The following RGS1 variants were observed in gnomAD, a reference collection of about 807,000 sequenced individuals.
The protein encoded by RGS1 is B-cell activation protein BL34.
RGS1 carries 11 observed loss-of-function variants against 22.2 expected under a neutral mutation model. That is an observed-to-expected ratio of 0.50 (90% confidence interval 0.31 to 0.82). The LOEUF is 0.82. Ranked by LOEUF, RGS1 falls within the 40% of genes least tolerant of loss-of-function variation. RGS1 has a pLI of 0.04. For missense variants in RGS1, 255 were observed against 245.8 expected (o/e 1.04, Z -0.25); for synonymous variants, 81 against 79.9 (o/e 1.01, Z -0.07).
Position 192,579,331 on chromosome 1 carries a change from T to C in RGS1, c.*9T>C. 8.7e-6 allele frequency: 14 copies of C among 1,611,340 alleles called. No individual in the cohort carries two copies. Among genetic ancestry groups the C allele is most frequent in the Non-Finnish European group, 1.2e-5 (14 of 1,178,516 alleles). On this transcript the variant is annotated 3_prime_UTR_variant, in exon 5 of 5. Coordinates refer to ENST00000367459, the MANE Select transcript of RGS1 (RefSeq NM_002922.4). ...CTAATAGCCTAAAGTGACTGGTCCC[T>C]GGCTGAAGGGAATTAACAGATAGTA...
chr1:192,577,087 A>C (rs1662074566), intron 3 of RGS1: 1 of 369,112 alleles, frequency 2.7e-6, no homozygotes, highest in South Asian at 1.2e-4. Flanking sequence ...GATAAAATTA[A>C]ACATTGTGCT....
Position 192,576,322 on chromosome 1 carries a change from C to G in RGS1, c.175C>G (p.Pro59Ala). Residue 59 changes from proline (P) to alanine (A), a missense_variant, in exon 2 of 5, where the codon CCA becomes GCA. By Grantham distance (27) the Pro-to-Ala change is conservative. Transcript: ENST00000367459. ...DMKAYLRSMI[P>A]HLESGMKSSK... is the part of the protein sequence containing the mutation. ...GAAAGCATACCTGAGATCTATGATC[C>G]CACATCTGGAATCTGGAATGAAATC... is the stretch of plus-strand genomic sequence containing the variant. 6.2e-7 allele frequency: 1 copy of G among 1,611,228 alleles called. No homozygotes were observed. The highest frequency in any genetic ancestry group is 8.5e-7 in the Non-Finnish European group (1 of 1,178,038).
Position 192,579,458 on chromosome 1 carries a change from T to TAACTTTCATGTTAATCCATTC in RGS1, c.*136_*137insAACTTTCATGTTAATCCATTC. 1.3e-6 allele frequency: 1 copy of TAACTTTCATGTTAATCCATTC among 749,952 alleles called. No homozygotes were observed. The highest frequency in any genetic ancestry group is 2.2e-6 in the Non-Finnish European group (1 of 463,330). 46.5% of individuals were successfully genotyped at this position (749,952 alleles called of 1,614,324 possible). ...AGAAGAACAAATGACTCAGAATGGA[T>TAACTTTCATGTTAATCCATTC]TAACATGAAAGTTATCCAGGCGCAG... On this transcript the variant is annotated 3_prime_UTR_variant, in exon 5 of 5. Transcript: ENST00000367459.
rs369963644 is a variant in RGS1, at chr1:192,575,788, G to A, written c.-5G>A. 40 of 1,612,838 alleles carry A rather than the reference G, an allele frequency of 2.5e-5. No homozygotes were observed. The highest frequency in any genetic ancestry group is 6.7e-5 in the African/African-American group (5 of 74,856). On this transcript the variant is annotated 5_prime_UTR_variant, in exon 1 of 5. Coordinates refer to ENST00000367459, the MANE Select transcript of RGS1 (RefSeq NM_002922.4). ...GTTGACTAGCGCATATTTGCTAAGA[G>A]CACCATGCGCGCAGCAGCCATCTCC...
chr1:192,579,118 A>C lies in RGS1; in HGVS notation c.445-19A>C. The C allele has an allele frequency of 6.3e-7, 1 of 1,598,998 alleles. No homozygotes were observed. Among genetic ancestry groups the C allele is most frequent in the African/African-American group, 1.4e-5 (1 of 73,754 alleles). ...AGTAAAGAAAAGTATATATTAGCTA[A>C]CAAGGTTTTCTTTTTTAGATCAATA... On this transcript the variant is annotated intron_variant, in intron 4 of 4. Transcript: ENST00000367459.
chr1:192,577,897 T>C (rs1457691587), intron 3 of RGS1: 2 of 262,034 alleles, frequency 7.6e-6, no homozygotes, highest in Non-Finnish European at 1.5e-5. Context: ...ATTTGGCATA[T>C]ATAAAAGATG....
intron 4 of RGS1, 193 bp from the exon 5 acceptor site, chr1:192,578,944 A>C (rs1662113348): frequency 3.5e-6 from 2 of 565,930 alleles, no homozygotes; most frequent in Non-Finnish European, 6.0e-6. Context: ...TTTGGAACAA[A>C]GACATTTTTG....
chr1:192,575,884 A>C lies in RGS1; in HGVS notation c.92A>C (p.His31Pro). 1 of 1,613,354 alleles carries C rather than the reference A, an allele frequency of 6.2e-7. No individual in the cohort carries two copies. The change falls in exon 1 of 5, where the codon CAT (histidine) becomes CCT (proline). Residue 31 changes from histidine to proline, a missense_variant. Transcript: ENST00000367459. ...ANPKELKGTT[H>P]SLLDDKMQKR... Reference sequence around the variant, plus strand: ...CCAAAGGAATTGAAAGGAACCACTCATTCACTTCTAGACGACAAAATGCAA... The same window carrying C: ...CCAAAGGAATTGAAAGGAACCACTCCTTCACTTCTAGACGACAAAATGCAA...
intron 3 of RGS1, 175 bp downstream of exon 3, chr1:192,577,010 C>G: frequency 2.2e-6 from 1 of 448,698 alleles, no homozygotes; most frequent in Non-Finnish European, 3.8e-6. Flanking sequence ...ACTTAGCACT[C>G]AATTCTGCCA....
chr1:192,579,363 G>T lies in RGS1; in HGVS notation c.*41G>T. On this transcript the variant is annotated 3_prime_UTR_variant, in exon 5 of 5. Transcript: ENST00000367459. ...AGGGAATTAACAGATAGTATCAAGC[G>T]CAGAAGGAATGTGCCAGTATGGCTC... The T allele has an allele frequency of 6.3e-7, 1 of 1,594,768 alleles. No homozygotes were observed. Among genetic ancestry groups the T allele is most frequent in the South Asian group, 1.1e-5 (1 of 88,670 alleles).
intron 2 of RGS1, 144 bp downstream of exon 2, chr1:192,576,509 G>A: frequency 1.5e-6 from 1 of 650,584 alleles, no homozygotes; most frequent in South Asian, 2.1e-5. Flanking sequence ...TAGACTATCA[G>A]TACCAATGTA....
At position 192,579,582 on chromosome 1, in the gene RGS1, G is replaced by GC. The variant is rs1490632780; in HGVS notation, c.*264dup. On this transcript the variant is annotated 3_prime_UTR_variant, in exon 5 of 5. Coordinates refer to ENST00000367459, the MANE Select transcript of RGS1 (RefSeq NM_002922.4). ...AAACAGTGGAGCTCTGTATTAGAAA[G>GC]CCCCTCAGAACTGGGAAGGCCAGGT... is the stretch of plus-strand genomic sequence containing the variant. 3 of 360,488 alleles carry GC rather than the reference G, an allele frequency of 8.3e-6. No homozygotes were observed. The highest frequency in any genetic ancestry group is 1.5e-5 in the Non-Finnish European group (3 of 200,206). 22.3% of individuals were successfully genotyped at this position (360,488 alleles called of 1,614,324 possible). A position where few individuals can be genotyped will look rare whatever the true frequency, so the allele number is the denominator to read the frequency against.
rs757618719 is a variant in RGS1 at position 192,576,373 on chromosome 1, C to T, written c.218+8C>T. ...TTCCAAGTCCAAGGATGTGTAAGTA[C>T]ACTAATACACTAAACTATCATTATC... On this transcript the variant is annotated splice_region_variant and intron_variant, in intron 2 of 4. Coordinates refer to ENST00000367459, the MANE Select transcript of RGS1 (RefSeq NM_002922.4). 2 of 1,551,712 alleles carry T rather than the reference C, an allele frequency of 1.3e-6. No individual in the cohort carries two copies. Among genetic ancestry groups the T allele is most frequent in the East Asian group, 2.3e-5 (1 of 44,442 alleles).
chr1:192,578,196 C>T, intron 3 of RGS1, 26 bp from the exon 4 acceptor site: 2 of 1,584,000 alleles, frequency 1.3e-6, no homozygotes, highest in Non-Finnish European at 1.7e-6. Flanking sequence ...TAATTATCTC[C>T]CCACCCACCC....
intron 3 of RGS1, 109 bp from the exon 4 acceptor site, chr1:192,578,113 T>A: frequency 7.7e-7 from 1 of 1,298,094 alleles, no homozygotes; most frequent in Non-Finnish European, 1.1e-6. Flanking sequence ...CTTACCTTTG[T>A]ATGAATAGGA....
chr1:192,576,079 C>A, intron 1 of RGS1, 150 bp downstream of exon 1: 1 of 1,001,448 alleles, frequency 1.0e-6, no homozygotes, highest in Non-Finnish European at 1.4e-6. Flanking sequence ...TAATATTCAG[C>A]TGCATTAAAA....
chr1:192,578,816 T>C, intron 4 of RGS1: 1 of 359,264 alleles, frequency 2.8e-6, no homozygotes, highest in African/African-American at 2.1e-5. Context: ...AAGAGCCTTC[T>C]TCTCCTGTAA....
At position 192,575,936 on chromosome 1, in the gene RGS1, T is replaced by C; in HGVS notation, c.137+7T>C. 1 of 1,612,496 alleles carries C rather than the reference T, an allele frequency of 6.2e-7. No homozygotes were observed. Among genetic ancestry groups the C allele is most frequent in the Non-Finnish European group, 8.5e-7 (1 of 1,179,120 alleles). ...AAAGGAGGCCAAAGACTTTGTAAGT[T>C]TGTTCAGAGTCTCACTTTGTGAATT... On this transcript the variant is annotated splice_region_variant and intron_variant, in intron 1 of 4. Transcript: ENST00000367459.
intron 4 of RGS1, 58 bp downstream of exon 4, chr1:192,578,443 A>G: frequency 6.4e-7 from 1 of 1,562,686 alleles, no homozygotes; most frequent in East Asian, 2.2e-5. Context: ...ATGCAGAAAT[A>G]ACATTTAATA....
Sources: gnomAD v4.1 joint callset for allele counts on GRCh38, gnomAD v4.1.1 for gene constraint, MANE v1.5 for transcripts, NCBI Gene and HGNC (gene_info 2026-07-23, HGNC 2026-07-21) for gene names.